Variants in PCDH15 observed in about 807,000 individuals in gnomAD.
The protein encoded by PCDH15 is protocadherin-15.
A neutral mutation model predicts 178.5 loss-of-function variants in PCDH15; 129 were observed. The observed-to-expected ratio is 0.72, with a 90% CI of 0.63 to 0.84. The LOEUF (loss-of-function observed/expected upper bound fraction) is 0.84, where lower values mean the gene tolerates loss of function less well. PCDH15 is among the 40% of genes least tolerant of loss of function. PCDH15 has a pLI of 0.00. For missense variants in PCDH15, 2,230 were observed against 2,099.9 expected, an observed-to-expected ratio of 1.06 and a Z score of -1.21; for synonymous variants, 800 against 732.0, an observed-to-expected ratio of 1.09 and a Z score of -1.50.
At chr10:55,616,117 C>G (rs764172704) in intron 2 of PCDH15, among the ~76,000 whole-genome samples, 20 of 152,208 alleles carry the variant, frequency 1.3e-4, no homozygotes, top group Middle Eastern at 3.4e-3. Context: ...CAAAGTTGCT[C>G]TATTACTTCT....
At chr10:54,804,469 T>G (rs972433576), upstream of PCDH15, among the ~76,000 whole-genome samples, 1 of 152,170 alleles carries the variant, frequency 6.6e-6, no homozygotes, top group Non-Finnish European at 1.5e-5. Context: ...GTAGAGACCA[T>G]GCTGAATCTT....
chr10:54,678,999 G>C (rs1222082659), intron 1 of PCDH15, among the ~76,000 whole-genome samples: 2 of 151,718 alleles, frequency 1.3e-5, no homozygotes, highest in African/African-American at 2.4e-5. Flanking sequence ...GACCATCTTG[G>C]CTAACACGGT....
intron 2 of PCDH15, among the ~76,000 whole-genome samples, chr10:55,570,984 A>G (rs1467210047): frequency 6.6e-6 from 1 of 152,056 alleles, no homozygotes; most frequent in Non-Finnish European, 1.5e-5. Flanking sequence ...TTCCCTAAAT[A>G]TAGAATATAG....
intron 2 of PCDH15, among the ~76,000 whole-genome samples, chr10:55,055,999 G>A (rs1045185532): frequency 4.6e-5 from 7 of 151,912 alleles, no homozygotes; most frequent in South Asian, 2.1e-4. Context: ...ATTAATCAGC[G>A]CCCTTTTACA....
Position 53,840,303 on chromosome 10 carries a change from T to C in PCDH15, c.3983+17A>G. The C allele has an allele frequency of 1.2e-6, 2 of 1,612,322 alleles. No individual in the cohort carries two copies. Among genetic ancestry groups the C allele is most frequent in the Non-Finnish European group, 1.7e-6 (2 of 1,178,322 alleles). On this transcript the variant is annotated intron_variant, in intron 29 of 37. Transcript: ENST00000644397. Reference sequence around the variant, plus strand: ...ATTGTAACCAAAGAGCTGTTACAGATAACAAAAAGCACTTACTTAAAAAGC... The same window carrying C: ...ATTGTAACCAAAGAGCTGTTACAGACAACAAAAAGCACTTACTTAAAAAGC...
Position 54,810,954 on chromosome 10 carries a change from T to G in PCDH15, c.-29+86496A>C, listed in dbSNP as rs141370250. Among the ~76,000 whole-genome samples, 20 of 152,226 alleles carry G rather than the reference T, an allele frequency of 1.3e-4. No homozygotes were observed. The East Asian group carries it at 3.9e-3, about 29-fold the overall frequency. ...TATTATTCTTCATAATACTGTGACT[T>G]TGGAGGATAAGTCAACAAGGAGTAG... On this transcript the variant is annotated intron_variant, in intron 3 of 5. Transcript: ENST00000458638.
At chr10:54,591,763 A>C (rs2091903235) in intron 2 of PCDH15, among the ~76,000 whole-genome samples, 1 of 152,188 alleles carries the variant, frequency 6.6e-6, no homozygotes, top group Non-Finnish European at 1.5e-5. Flanking sequence ...ATATTTGGGA[A>C]ATTTGAATTA....
intron 2 of PCDH15, among the ~76,000 whole-genome samples, chr10:55,083,214 G>A (rs1257773978): frequency 6.6e-6 from 1 of 151,554 alleles, no homozygotes; most frequent in East Asian, 1.9e-4. Context: ...ATGACCAAGT[G>A]GAATTTATCC....
intron 16 of PCDH15, among the ~76,000 whole-genome samples, chr10:54,085,150 ATATC>A (rs1188452937): frequency 6.6e-6 from 1 of 152,114 alleles, no homozygotes. Flanking sequence ...AATAAAATAA[ATATC>A]TTTCTTATAT....
intron 1 of PCDH15, among the ~76,000 whole-genome samples, chr10:55,202,757 G>GT (rs906997617): frequency 6.6e-6 from 1 of 152,106 alleles, no homozygotes; most frequent in Non-Finnish European, 1.5e-5. Context: ...CCCCCATGCC[G>GT]TTTACATGAT....
chr10:55,106,906 C>A (rs570782399), intron 2 of PCDH15, among the ~76,000 whole-genome samples: 2 of 152,254 alleles, frequency 1.3e-5, no homozygotes, highest in Admixed American at 1.3e-4. Flanking sequence ...TCCCATAATA[C>A]AATGATGGAG....
chr10:54,752,531 A>AAC (rs1946482124), intron 1 of PCDH15, among the ~76,000 whole-genome samples: 1 of 40,882 alleles, frequency 2.4e-5, no homozygotes, highest in Non-Finnish European at 7.0e-5. Flanking sequence ...CAAACAAACA[A>AAC]AAAAAAACAA....
intron 25 of PCDH15, among the ~76,000 whole-genome samples, chr10:53,936,811 G>A (rs1428403173): frequency 6.6e-6 from 1 of 152,020 alleles, no homozygotes. Flanking sequence ...CAAATGATAT[G>A]TGGTAGGGCA....
chr10:55,188,081 A>G (rs1839845362), intron 1 of PCDH15, among the ~76,000 whole-genome samples: 1 of 151,968 alleles, frequency 6.6e-6, no homozygotes, highest in South Asian at 2.1e-4. Context: ...ACTAGAAGGT[A>G]AAATCAATAG....
intron 2 of PCDH15, among the ~76,000 whole-genome samples, chr10:55,017,616 A>T (rs1235400106): frequency 1.3e-5 from 2 of 152,126 alleles, no homozygotes; most frequent in Non-Finnish European, 2.9e-5. Context: ...AAGCATGTTC[A>T]AAAGTAGAAT....
At chr10:55,186,480 T>C (rs1839802259) in intron 1 of PCDH15, among the ~76,000 whole-genome samples, 1 of 151,560 alleles carries the variant, frequency 6.6e-6, no homozygotes, top group African/African-American at 2.4e-5. Context: ...CTTTCATTCA[T>C]AGACGTATCC....
chr10:55,138,578 A>G (rs576892071), intron 2 of PCDH15, among the ~76,000 whole-genome samples: 2 of 152,246 alleles, frequency 1.3e-5, no homozygotes, highest in Non-Finnish European at 2.9e-5. Context: ...TCAGAGGCCA[A>G]ATTAAAACTG....
intron 1 of PCDH15, among the ~76,000 whole-genome samples, chr10:54,737,228 C>G (rs968566037): frequency 5.3e-5 from 8 of 152,070 alleles, no homozygotes; most frequent in Non-Finnish European, 1.5e-5. Flanking sequence ...CAGTGGCTAT[C>G]TGCCCTGGAT....
chr10:55,184,359 T>C (rs1256497637), intron 1 of PCDH15, among the ~76,000 whole-genome samples: 1 of 152,026 alleles, frequency 6.6e-6, no homozygotes, highest in Non-Finnish European at 1.5e-5. Flanking sequence ...TTGTCATTTA[T>C]TGTTTGGTGA....
Sources: allele counts gnomAD v4.1 joint callset (sites outside exome capture counted in the v4.1 genomes callset), GRCh38; gene constraint gnomAD v4.1.1; transcripts MANE v1.5; gene names NCBI Gene and HGNC (gene_info 2026-07-23, HGNC 2026-07-21).